The following NXPE2 variants were observed in gnomAD, a reference collection of about 807,000 sequenced individuals.
NXPE2 encodes neurexophilin and PC-esterase domain family member 2, also known as NXPE family member 2.
NXPE2 carries 34 observed loss-of-function variants against 34.4 expected under a neutral mutation model. That is an observed-to-expected ratio of 0.99 (90% CI 0.75 to 1.31). The LOEUF is 1.31. Among genes scored for constraint, NXPE2 ranks in the 40% most tolerant of loss-of-function variants. The probability of loss-of-function intolerance (pLI) is 0.00; values close to 1 mark genes in which losing one functional copy is unlikely to be tolerated. For synonymous variants in NXPE2, 235 were observed against 231.3 expected, an observed-to-expected ratio of 1.02 and a Z score of -0.15; for missense variants, 649 against 672.5, an observed-to-expected ratio of 0.97 and a Z score of 0.39.
the NXPE2 span, among the ~76,000 whole-genome samples, chr11:114,632,182 AAATAAATG>A: frequency 7.6e-6 from 1 of 131,582 alleles, no homozygotes; most frequent in African/African-American, 2.7e-5. Context: ...AATATATAAT[AAATAAATG>A]ATCATATATA....
chr11:114,744,020 A>T, the NXPE2 span, among the ~76,000 whole-genome samples: 3 of 152,002 alleles, frequency 2.0e-5, no homozygotes, highest in Admixed American at 2.0e-4. Flanking sequence ...GTGTCTATGG[A>T]TTCTGCTCTC....
At chr11:114,522,008 A>G in the NXPE2 span, 3 of 1,613,458 alleles carry the variant, frequency 1.9e-6, no homozygotes, top group African/African-American at 2.7e-5. Context: ...CTGATTTCCA[A>G]TCACATGATC....
At chr11:114,614,325 G>A in the NXPE2 span, among the ~76,000 whole-genome samples, 2 of 144,880 alleles carry the variant, frequency 1.4e-5, no homozygotes, top group African/African-American at 5.2e-5. Flanking sequence ...AGGTAACCAC[G>A]GTTACCTGAT....
chr11:114,748,465 C>T, the NXPE2 span, among the ~76,000 whole-genome samples: 1 of 152,186 alleles, frequency 6.6e-6, no homozygotes. Context: ...TCATGAGTTG[C>T]TTTTCACTGT....
chr11:114,576,944 C>T, the NXPE2 span, among the ~76,000 whole-genome samples: 1 of 145,206 alleles, frequency 6.9e-6, no homozygotes, highest in Non-Finnish European at 1.5e-5. Flanking sequence ...GCCCAAATGC[C>T]CATTAATCAA....
At chr11:114,615,254 T>TAA in the NXPE2 span, among the ~76,000 whole-genome samples, 1 of 151,900 alleles carries the variant, frequency 6.6e-6, no homozygotes, top group Non-Finnish European at 1.5e-5. Flanking sequence ...ACCCAGTGGA[T>TAA]TATAAGTATT....
chr11:114,784,049 A>G, the NXPE2 span, among the ~76,000 whole-genome samples: 2 of 152,344 alleles, frequency 1.3e-5, no homozygotes, highest in South Asian at 4.1e-4. Flanking sequence ...CATAAACCCT[A>G]CAAAGTAGCC....
chr11:114,781,535 G>C, the NXPE2 span, among the ~76,000 whole-genome samples: 1 of 152,110 alleles, frequency 6.6e-6, no homozygotes, highest in South Asian at 2.1e-4. Context: ...TGAGTTGGTG[G>C]GAGATAAAAG....
the NXPE2 span, among the ~76,000 whole-genome samples, chr11:114,721,951 A>G: frequency 6.6e-6 from 1 of 152,224 alleles, no homozygotes; most frequent in East Asian, 1.9e-4. Context: ...GTAGAAAAAG[A>G]GTAAAACAAG....
chr11:114,629,131 C>G, the NXPE2 span, among the ~76,000 whole-genome samples: 132 of 152,112 alleles, frequency 8.7e-4, 1 homozygote, highest in Middle Eastern at 0.014. Context: ...GAAACTATTC[C>G]AATCAATAGA....
At chr11:114,498,256 C>T in the NXPE2 span, among the ~76,000 whole-genome samples, 1 of 151,844 alleles carries the variant, frequency 6.6e-6, no homozygotes, top group Non-Finnish European at 1.5e-5. Flanking sequence ...CACATTTATC[C>T]CCATTTAACA....
the NXPE2 span, among the ~76,000 whole-genome samples, chr11:114,485,864 T>G: frequency 6.6e-6 from 1 of 152,252 alleles, no homozygotes; most frequent in African/African-American, 2.4e-5. Context: ...TACTCCATTG[T>G]GTATATGTAC....
chr11:114,551,603 C>A, the NXPE2 span, among the ~76,000 whole-genome samples: 3 of 152,256 alleles, frequency 2.0e-5, no homozygotes, highest in African/African-American at 7.2e-5. Flanking sequence ...GGAATATGCT[C>A]GTATTACAAA....
chr11:114,598,814 G>T, the NXPE2 span, among the ~76,000 whole-genome samples: 3 of 151,422 alleles, frequency 2.0e-5, no homozygotes, highest in Non-Finnish European at 4.4e-5. Context: ...CTTCCACAAA[G>T]TTCTCTGAAA....
chr11:114,634,307 G>A, the NXPE2 span, among the ~76,000 whole-genome samples: 1 of 152,048 alleles, frequency 6.6e-6, no homozygotes, highest in Admixed American at 6.6e-5. Flanking sequence ...TTTTGATAGA[G>A]TTGTTTGTTA....
the NXPE2 span, among the ~76,000 whole-genome samples, chr11:114,525,778 T>C: frequency 6.6e-6 from 1 of 152,212 alleles, no homozygotes; most frequent in African/African-American, 2.4e-5. Context: ...TAGTGAAGTG[T>C]ATATTCAAGC....
chr11:114,644,692 A>G, the NXPE2 span, among the ~76,000 whole-genome samples: 2 of 152,126 alleles, frequency 1.3e-5, no homozygotes, highest in African/African-American at 2.4e-5. Context: ...TAAAGATGGT[A>G]ATTCCCCCTC....
chr11:114,813,044 A>T, the NXPE2 span, among the ~76,000 whole-genome samples: 6 of 152,086 alleles, frequency 3.9e-5, no homozygotes, highest in South Asian at 4.1e-4. Flanking sequence ...CACTCCCTCA[A>T]CTCATCCTTA....
At chr11:114,794,670 C>G in the NXPE2 span, among the ~76,000 whole-genome samples, 1 of 152,178 alleles carries the variant, frequency 6.6e-6, no homozygotes, top group African/African-American at 2.4e-5. Flanking sequence ...CTGTATGCAG[C>G]TACTACTGCA....
Sources: allele counts gnomAD v4.1 joint callset (sites outside exome capture counted in the v4.1 genomes callset), GRCh38; gene constraint gnomAD v4.1.1; transcripts MANE v1.5; gene names NCBI Gene and HGNC (gene_info 2026-07-23, HGNC 2026-07-21).